The following UNC5C variants were observed in gnomAD, a reference collection of about 807,000 sequenced individuals.
UNC5C encodes unc-5 netrin receptor C.
Under a neutral mutation model 99.8 loss-of-function variants are expected in UNC5C, and 47 were observed. The ratio of observed to expected loss-of-function variants is 0.47; its 90% confidence interval spans 0.37 to 0.60. The LOEUF is 0.60. Among genes scored for constraint, UNC5C ranks in the 20% least tolerant of loss-of-function variants. The pLI, the probability that UNC5C is intolerant of heterozygous loss-of-function variation, is 0.00. For synonymous variants in UNC5C, 487 were observed against 452.2 expected, an observed-to-expected ratio of 1.08 and a Z score of -0.98; for missense variants, 1,062 against 1,165.9, an observed-to-expected ratio of 0.91 and a Z score of 1.30.
At chr4:95,526,319 A>G (rs1289419405) in intron 1 of UNC5C, among the ~76,000 whole-genome samples, 3 of 152,102 alleles carry the variant, frequency 2.0e-5, no homozygotes, top group Non-Finnish European at 4.4e-5. Context: ...GCAATAAATT[A>G]TGTGGTCTCC....
chr4:95,338,992 C>A (rs1436138425), intron 1 of UNC5C, among the ~76,000 whole-genome samples: 4 of 152,024 alleles, frequency 2.6e-5, no homozygotes, highest in East Asian at 3.9e-4. Context: ...AGGTCACATA[C>A]CCGTGAAACC....
intron 1 of UNC5C, among the ~76,000 whole-genome samples, chr4:95,395,709 G>T (rs928601843): frequency 3.9e-5 from 6 of 152,148 alleles, no homozygotes; most frequent in Admixed American, 1.3e-4. Flanking sequence ...TGAGTGCCCA[G>T]GGATTTATCA....
intron 1 of UNC5C, among the ~76,000 whole-genome samples, chr4:95,369,264 A>C (rs557996372): frequency 6.6e-6 from 1 of 151,860 alleles, no homozygotes; most frequent in African/African-American, 2.4e-5. Flanking sequence ...TAGTTCAAAA[A>C]GTAAGGCCAG....
At chr4:95,464,635 G>T (rs1747717395) in intron 1 of UNC5C, among the ~76,000 whole-genome samples, 1 of 152,152 alleles carries the variant, frequency 6.6e-6, no homozygotes, top group Non-Finnish European at 1.5e-5. Flanking sequence ...GAACATCATA[G>T]ATTGCTTAAT....
intron 1 of UNC5C, among the ~76,000 whole-genome samples, chr4:95,481,704 G>A (rs535792041): frequency 1.6e-3 from 243 of 152,050 alleles, no homozygotes; most frequent in Middle Eastern, 3.4e-3. Context: ...AAATAACGCC[G>A]CATATCTACA....
chr4:95,441,491 A>G (rs1185382175), intron 1 of UNC5C, among the ~76,000 whole-genome samples: 1 of 152,198 alleles, frequency 6.6e-6, no homozygotes, highest in African/African-American at 2.4e-5. Flanking sequence ...TCAATATTTG[A>G]CTAATAAAGA....
intron 1 of UNC5C, among the ~76,000 whole-genome samples, chr4:95,426,997 G>A (rs1367886013): frequency 1.3e-5 from 2 of 152,278 alleles, no homozygotes; most frequent in East Asian, 1.9e-4. Context: ...AGACAAAACC[G>A]CCATATATTG....
intron 2 of UNC5C, among the ~76,000 whole-genome samples, chr4:95,323,563 A>T (rs531506261): frequency 3.9e-5 from 6 of 152,202 alleles, no homozygotes; most frequent in Non-Finnish European, 5.9e-5. Flanking sequence ...CTATGATTAT[A>T]ATGCTCAAAA....
At chr4:95,250,184 CT>C (rs1739644020) in intron 5 of UNC5C, among the ~76,000 whole-genome samples, 1 of 152,042 alleles carries the variant, frequency 6.6e-6, no homozygotes, top group Non-Finnish European at 1.5e-5. Context: ...CTCATTGCCC[CT>C]GTGAAAAGCA....
At chr4:95,206,126 G>C (rs961610672) in intron 11 of UNC5C, among the ~76,000 whole-genome samples, 20 of 150,990 alleles carry the variant, frequency 1.3e-4, no homozygotes, top group African/African-American at 4.9e-4. Context: ...TCAGCCTCCC[G>C]AGTACCTGGG....
At chr4:95,436,335 C>G (rs182798917) in intron 1 of UNC5C, among the ~76,000 whole-genome samples, 2 of 151,880 alleles carry the variant, frequency 1.3e-5, no homozygotes, top group Non-Finnish European at 2.9e-5. Flanking sequence ...GAATTATTTT[C>G]TTGGAGGTGG....
intron 3 of UNC5C, among the ~76,000 whole-genome samples, chr4:95,281,948 A>T (rs995988817): frequency 1.3e-5 from 2 of 152,212 alleles, no homozygotes; most frequent in African/African-American, 4.8e-5. Flanking sequence ...CCCCATCCCA[A>T]CCTTAACAAA....
intron 1 of UNC5C, among the ~76,000 whole-genome samples, chr4:95,452,481 G>A (rs555692037): frequency 1.3e-5 from 2 of 152,122 alleles, no homozygotes; most frequent in South Asian, 4.2e-4. Context: ...ACAAAGGGTG[G>A]CCCAGATGTA....
chr4:95,377,695 A>G (rs572896637), intron 1 of UNC5C, among the ~76,000 whole-genome samples: 26 of 151,950 alleles, frequency 1.7e-4, no homozygotes, highest in Non-Finnish European at 3.5e-4. Flanking sequence ...CCCCAAGAGG[A>G]CTTTGTGAGG....
chr4:95,184,630 A>C (rs1736756775), intron 13 of UNC5C, among the ~76,000 whole-genome samples: 1 of 152,176 alleles, frequency 6.6e-6, no homozygotes, highest in Non-Finnish European at 1.5e-5. Flanking sequence ...TCTCCAAAGT[A>C]GGGCTCCCTC....
chr4:95,371,147 G>C lies in UNC5C; in HGVS notation c.125-35516C>G, dbSNP rs116532558. On this transcript the variant is annotated intron_variant, in intron 1 of 15. Transcript: ENST00000453304. ...TTAGTCCAAAAAACATGGATTGAAA[G>C]CCTGTCTGTTTTCAGTAACACTTCA... is the stretch of plus-strand genomic sequence containing the variant. Among the ~76,000 whole-genome samples the C allele has an allele frequency of 4.9e-3, 752 of 152,278 alleles. 6 individuals carry two copies. The highest frequency in any genetic ancestry group is 0.017 in the African/African-American group (720 of 41,558).
At chr4:95,356,741 C>T (rs1469737559) in intron 1 of UNC5C, among the ~76,000 whole-genome samples, 1 of 152,130 alleles carries the variant, frequency 6.6e-6, no homozygotes, top group East Asian at 1.9e-4. Flanking sequence ...AGAGAAATGT[C>T]TCCTTTCTTT....
intron 2 of UNC5C, among the ~76,000 whole-genome samples, chr4:95,320,620 A>AAAATTGCTC (rs1415207379): frequency 2.0e-5 from 3 of 152,186 alleles, no homozygotes; most frequent in African/African-American, 7.2e-5. Flanking sequence ...CAAAATTGCT[A>AAAATTGCTC]TAGCAACACA....
chr4:95,210,242 G>A (rs1435216517), intron 10 of UNC5C, among the ~76,000 whole-genome samples: 1 of 152,108 alleles, frequency 6.6e-6, no homozygotes, highest in African/African-American at 2.4e-5. Context: ...AACCCAGTGA[G>A]GTGCAAGAAT....
Sources: gnomAD v4.1 joint callset for allele counts (sites outside exome capture counted in the v4.1 genomes callset) on GRCh38, gnomAD v4.1.1 for gene constraint, MANE v1.5 for transcripts, NCBI Gene and HGNC (gene_info 2026-07-23, HGNC 2026-07-21) for gene names.